The following CHD2 variants were observed in gnomAD, a reference collection of about 807,000 sequenced individuals.
CHD2 encodes the protein ATP-dependent chromatin remodeler CHD2.
Under a neutral mutation model 243.9 loss-of-function variants are expected in CHD2, and 28 were observed. That is an observed-to-expected ratio of 0.11 (90% CI 0.09 to 0.16). The LOEUF (loss-of-function observed/expected upper bound fraction) is 0.16. Ranked by LOEUF, CHD2 falls within the 10% of genes least tolerant of loss-of-function variation. The pLI is 1.00. For synonymous variants in CHD2, 775 were observed against 779.0 expected (o/e 0.99, Z 0.09); for missense variants, 1,386 against 2,209.8 (o/e 0.63, Z 7.47).
chr15:93,000,025 G>C (rs529459158), intron 31 of CHD2, among the ~76,000 whole-genome samples: 3 of 152,190 alleles, frequency 2.0e-5, no homozygotes, highest in Non-Finnish European at 4.4e-5. Context: ...TTGGGAGGCT[G>C]AGGTGGGTGG....
intron 17 of CHD2, among the ~76,000 whole-genome samples, chr15:92,969,104 C>T (rs2053805804): frequency 6.6e-6 from 1 of 152,106 alleles, no homozygotes; most frequent in African/African-American, 2.4e-5. Context: ...ATAGTGTTAC[C>T]TTAGTAACAA....
intron 14 of CHD2, 43 bp from the exon 15 acceptor site, chr15:92,955,380 G>A: frequency 8.2e-7 from 1 of 1,223,028 alleles, no homozygotes; most frequent in Non-Finnish European, 1.1e-6. Flanking sequence ...ATATAGAAAG[G>A]TAGAAGTAGA....
chr15:92,907,694 T>C (rs1358044792), intron 2 of CHD2, among the ~76,000 whole-genome samples: 1 of 152,224 alleles, frequency 6.6e-6, no homozygotes, highest in East Asian at 1.9e-4. Context: ...GTCATGAAGA[T>C]TAAATAATAT....
chr15:93,019,704 C>T (rs550297274), intron 37 of CHD2, among the ~76,000 whole-genome samples: 47 of 152,212 alleles, frequency 3.1e-4, no homozygotes, highest in East Asian at 2.5e-3. Context: ...GAAGCTGAGG[C>T]GGGCGGATCA....
chr15:92,983,718 T>C (rs779419526), intron 24 of CHD2, among the ~76,000 whole-genome samples: 20 of 152,244 alleles, frequency 1.3e-4, no homozygotes, highest in Non-Finnish European at 2.8e-4. Flanking sequence ...TTAAATAATA[T>C]TTGATAAGAA....
intron 20 of CHD2, among the ~76,000 whole-genome samples, chr15:92,976,533 A>G (rs1184262158): frequency 6.6e-6 from 1 of 151,482 alleles, no homozygotes; most frequent in African/African-American, 2.4e-5. Flanking sequence ...CTTTGAGGCT[A>G]GGCGCGCATA....
At chr15:92,963,383 C>T (rs2053714973) in intron 16 of CHD2, among the ~76,000 whole-genome samples, 3 of 152,104 alleles carry the variant, frequency 2.0e-5, no homozygotes, top group Admixed American at 2.0e-4. Flanking sequence ...CAGTCTTCTT[C>T]AGGTTAGTAC....
chr15:92,988,009 C>T (rs978732275), intron 26 of CHD2, among the ~76,000 whole-genome samples: 1 of 152,054 alleles, frequency 6.6e-6, no homozygotes, highest in African/African-American at 2.4e-5. Context: ...GCTGTTGTCG[C>T]ACATTACATC....
intron 26 of CHD2, among the ~76,000 whole-genome samples, chr15:92,989,346 C>T (rs535106311): frequency 6.6e-6 from 1 of 152,170 alleles, no homozygotes; most frequent in East Asian, 1.9e-4. Context: ...TTTTGGTTTT[C>T]TATATGTCCC....
chr15:92,961,427 G>C (rs1158762937), intron 16 of CHD2, among the ~76,000 whole-genome samples: 1 of 152,094 alleles, frequency 6.6e-6, no homozygotes, highest in Non-Finnish European at 1.5e-5. Context: ...AAGAGACATG[G>C]TCTTTCTCTG....
chr15:92,994,681 C>T (rs1047468841), intron 28 of CHD2, among the ~76,000 whole-genome samples: 4 of 152,148 alleles, frequency 2.6e-5, no homozygotes, highest in Admixed American at 2.0e-4. Flanking sequence ...ATTCCTGTTA[C>T]TTCTTGATGC....
intron 2 of CHD2, chr15:92,902,899 A>C (rs775085978): frequency 1.3e-5 from 2 of 152,196 alleles, no homozygotes; most frequent in Non-Finnish European, 2.9e-5. Context: ...TAATTCTAAA[A>C]AATTGAGCAG....
intron 26 of CHD2, chr15:92,991,255 A>T: frequency 2.1e-6 from 1 of 472,086 alleles, no homozygotes; most frequent in Non-Finnish European, 3.7e-6. Flanking sequence ...CTGAGAATAA[A>T]GTTGATCTTT....
At chr15:92,901,975 GA>G in intron 2 of CHD2, 1 of 377,026 alleles carries the variant, frequency 2.7e-6, no homozygotes, top group Non-Finnish European at 4.7e-6. Context: ...TGTAATAACA[GA>G]AATCCTGGAA....
intron 26 of CHD2, among the ~76,000 whole-genome samples, chr15:92,987,922 C>T (rs1567153569): frequency 6.6e-6 from 1 of 152,038 alleles, no homozygotes; most frequent in East Asian, 1.9e-4. Flanking sequence ...GAACAATTTA[C>T]TTTGAATTAA....
At chr15:92,990,858 T>A (rs2054109105) in intron 26 of CHD2, among the ~76,000 whole-genome samples, 1 of 152,200 alleles carries the variant, frequency 6.6e-6, no homozygotes, top group Non-Finnish European at 1.5e-5. Flanking sequence ...CATGAGTTGG[T>A]ATGTAGCATA....
At chr15:92,957,364 A>G (rs574222700) in intron 16 of CHD2, among the ~76,000 whole-genome samples, 2 of 152,280 alleles carry the variant, frequency 1.3e-5, no homozygotes, top group East Asian at 1.9e-4. Flanking sequence ...AACCACCTTA[A>G]TGTTTCAGCT....
chr15:92,993,470 T>C (rs2054147192), intron 28 of CHD2, among the ~76,000 whole-genome samples: 1 of 152,252 alleles, frequency 6.6e-6, no homozygotes, highest in South Asian at 2.1e-4. Context: ...GTTGAGATTT[T>C]CATGCCACTA....
intron 26 of CHD2, among the ~76,000 whole-genome samples, chr15:92,987,555 C>A (rs2054059023): frequency 6.6e-6 from 1 of 151,306 alleles, no homozygotes. Context: ...TTGCAGTGAG[C>A]CGAGATGGCA....
Sources: allele counts gnomAD v4.1 joint callset (sites outside exome capture counted in the v4.1 genomes callset), GRCh38; gene constraint gnomAD v4.1.1; transcripts MANE v1.5; gene names NCBI Gene and HGNC (gene_info 2026-07-23, HGNC 2026-07-21).